Variants in HNF4G observed in about 807,000 individuals in gnomAD.
The protein encoded by HNF4G is hepatocyte nuclear factor 4-gamma.
Under a neutral mutation model 50.9 loss-of-function variants are expected in HNF4G, and 21 were observed. The observed-to-expected ratio is 0.41, with a 90% CI of 0.29 to 0.59. HNF4G has a LOEUF of 0.59. Among genes scored for constraint, HNF4G ranks in the 20% least tolerant of loss-of-function variants. The pLI is 0.26. For missense variants in HNF4G, 527 were observed against 559.4 expected (o/e 0.94, Z 0.58); for synonymous variants, 198 against 185.6 (o/e 1.07, Z -0.54).
chr8:75,473,921 A>G (rs1214611319), intron 1 of HNF4G, among the ~76,000 whole-genome samples: 1 of 152,224 alleles, frequency 6.6e-6, no homozygotes, highest in Non-Finnish European at 1.5e-5. Context: ...AATTTCACAG[A>G]AGGGCTGTCT....
chr8:75,547,694 A>T lies in HNF4G; in HGVS notation c.382+13A>T. The T allele has an allele frequency of 3.6e-6, 5 of 1,370,826 alleles. No homozygotes were observed. The highest frequency in any genetic ancestry group is 5.2e-6 in the Non-Finnish European group (5 of 958,514). The allele number at this position is 1,370,826 out of a possible 1,614,324, so 84.9% of individuals were successfully genotyped here. On this transcript the variant is annotated intron_variant, in intron 3 of 9. Coordinates refer to ENST00000396423, the MANE Select transcript of HNF4G (RefSeq NM_004133.5). ...ATGAAAAAAGAAGGTAATAATAATG[A>T]TGATGATAATTAACATTATTGATGA...
intron 2 of HNF4G, among the ~76,000 whole-genome samples, chr8:75,506,650 A>C (rs1813086671): frequency 6.6e-6 from 1 of 152,190 alleles, no homozygotes; most frequent in Non-Finnish European, 1.5e-5. Context: ...GAACTGGCTC[A>C]CTAACATTTA....
chr8:75,511,509 A>G (rs538963940), intron 2 of HNF4G, among the ~76,000 whole-genome samples: 18 of 152,390 alleles, frequency 1.2e-4, no homozygotes, highest in African/African-American at 4.1e-4. Flanking sequence ...TCAAAGTTGA[A>G]TTAAAGCTGT....
chr8:75,517,102 A>G (rs1805907049), intron 2 of HNF4G, among the ~76,000 whole-genome samples: 1 of 152,160 alleles, frequency 6.6e-6, no homozygotes, highest in South Asian at 2.1e-4. Context: ...TTATAAGACC[A>G]TCAGATATCA....
At chr8:75,470,650 C>G (rs969066464) in intron 1 of HNF4G, among the ~76,000 whole-genome samples, 2 of 151,378 alleles carry the variant, frequency 1.3e-5, no homozygotes, top group Non-Finnish European at 3.0e-5. Flanking sequence ...AAGCCAGTGA[C>G]AGACTACAAA....
chr8:75,563,874 A>G lies in HNF4G; in HGVS notation c.1247-101A>G, dbSNP rs563375161. ...ATTCTGTGTAGGATATTTTAAAAACATTTCCAAATTACGCTAATGTGTATT... is the reference window on the plus strand; with the variant it reads ...ATTCTGTGTAGGATATTTTAAAAACGTTTCCAAATTACGCTAATGTGTATT... On this transcript the variant is annotated intron_variant, in intron 9 of 9. Coordinates refer to ENST00000396423, the MANE Select transcript of HNF4G (RefSeq NM_004133.5). 3.8e-6 allele frequency: 5 copies of G among 1,327,678 alleles called. No homozygotes were observed. In the South Asian group the frequency reaches 4.3e-5, roughly 11 times the overall value. 82.2% of individuals were successfully genotyped at this position (1,327,678 alleles called of 1,614,324 possible). A position where few individuals can be genotyped will look rare whatever the true frequency, so the allele number is the denominator to read the frequency against.
At chr8:75,438,469 G>A (rs532559996) in intron 1 of HNF4G, among the ~76,000 whole-genome samples, 28 of 152,092 alleles carry the variant, frequency 1.8e-4, no homozygotes, top group Non-Finnish European at 3.1e-4. Flanking sequence ...CCAGACTGAC[G>A]GAATACAGAC....
At chr8:75,490,052 T>C (rs1812586850) in intron 1 of HNF4G, 1 of 152,586 alleles carries the variant, frequency 6.6e-6, no homozygotes. Context: ...ATGCAGCATG[T>C]CACTCAATAG....
At chr8:75,434,022 T>G (rs1811078055) in intron 1 of HNF4G, among the ~76,000 whole-genome samples, 1 of 145,008 alleles carries the variant, frequency 6.9e-6, no homozygotes, top group South Asian at 2.1e-4. Context: ...TTTTTTTTTT[T>G]GAGACAAAGT....
chr8:75,481,068 G>T (rs2130657190), intron 1 of HNF4G, among the ~76,000 whole-genome samples: 1 of 152,196 alleles, frequency 6.6e-6, no homozygotes, highest in Non-Finnish European at 1.5e-5. Context: ...TTTTCAAACG[G>T]TGCTCTGCAG....
rs547456572 is a variant in HNF4G, at chr8:75,554,105, A to T, written c.645+908A>T. On this transcript the variant is annotated intron_variant, in intron 5 of 9. Coordinates refer to ENST00000396423, the MANE Select transcript of HNF4G (RefSeq NM_004133.5). ...GGTGACAGGAAAAAAAAATACAGTG[A>T]AATCTGAAATAATTCTTAAAATGCT... Among the ~76,000 whole-genome samples the T allele has an allele frequency of 2.6e-5, 4 of 152,250 alleles. No individual in the cohort carries two copies. The South Asian group carries it at 8.3e-4, about 32-fold the overall frequency.
chr8:75,565,522 T>C lies in HNF4G; in HGVS notation c.*1426T>C, dbSNP rs1807438721. The C allele has an allele frequency of 6.6e-6, 1 of 152,070 alleles. No homozygotes were observed. The highest frequency in any genetic ancestry group is 6.6e-5 in the Admixed American group (1 of 15,244). 9.4% of individuals were successfully genotyped at this position (152,070 alleles called of 1,614,324 possible). ...GACTGAGGAGTAGAGTTCATTGGAG[T>C]CTTAAACTCTCTGATATCACTTAAA... On this transcript the variant is annotated 3_prime_UTR_variant, in exon 10 of 10. Coordinates refer to ENST00000396423, the MANE Select transcript of HNF4G (RefSeq NM_004133.5).
intron 4 of HNF4G, among the ~76,000 whole-genome samples, chr8:75,552,763 G>A (rs1240709607): frequency 6.6e-6 from 1 of 152,068 alleles, no homozygotes; most frequent in East Asian, 1.9e-4. Flanking sequence ...GTAAAACTTA[G>A]TGTACAGATT....
chr8:75,558,937 A>G lies in HNF4G; in HGVS notation c.1023A>G (p.Thr341=). ...RFGELLLLLP[T]LQSITWQMIE... is the part of the protein sequence containing the mutation. ...GAGAGTTGCTTCTGCTCCTGCCCAC[A>G]CTGCAGAGCATCACGTGGCAAATGA... The change falls in exon 8 of 10, where the codon ACA becomes ACG. Residue 341 remains threonine (T), a synonymous_variant. Coordinates refer to ENST00000396423, the MANE Select transcript of HNF4G (RefSeq NM_004133.5). The G allele has an allele frequency of 6.2e-7, 1 of 1,613,980 alleles. No homozygotes were observed. The highest frequency in any genetic ancestry group is 1.7e-5 in the Admixed American group (1 of 60,010).
chr8:75,454,720 A>G (rs1232472163), intron 1 of HNF4G, among the ~76,000 whole-genome samples: 1 of 152,116 alleles, frequency 6.6e-6, no homozygotes, highest in Non-Finnish European at 1.5e-5. Flanking sequence ...TAATCACTCT[A>G]TCACCTCATC....
At chr8:75,519,536 C>T (rs142792416) in intron 2 of HNF4G, among the ~76,000 whole-genome samples, 195 of 152,278 alleles carry the variant, frequency 1.3e-3, no homozygotes, top group Admixed American at 6.6e-3. Context: ...CACAGTTCCA[C>T]GTGGCTGAGG....
intron 9 of HNF4G, among the ~76,000 whole-genome samples, chr8:75,561,312 G>A (rs547218216): frequency 1.2e-4 from 19 of 152,214 alleles, no homozygotes; most frequent in Admixed American, 5.2e-4. Context: ...CAACAGCAGC[G>A]GCAACATTCC....
intron 2 of HNF4G, among the ~76,000 whole-genome samples, chr8:75,544,840 G>A (rs921116171): frequency 5.3e-5 from 8 of 152,024 alleles, no homozygotes; most frequent in African/African-American, 1.9e-4. Context: ...GGTACGTGTA[G>A]AATTATGTTC....
At chr8:75,544,117 G>A (rs1241488942) in intron 2 of HNF4G, 138 bp downstream of exon 2, 1 of 675,078 alleles carries the variant, frequency 1.5e-6, no homozygotes, top group African/African-American at 1.8e-5. Context: ...GTACAAGTAA[G>A]AACGTGTGGG....
Sources: allele counts gnomAD v4.1 joint callset (sites outside exome capture counted in the v4.1 genomes callset), GRCh38; gene constraint gnomAD v4.1.1; transcripts MANE v1.5; gene names NCBI Gene and HGNC (gene_info 2026-07-23, HGNC 2026-07-21).